STAT5B: variants seen among roughly 807,000 people sequenced by gnomAD.
STAT5B encodes the protein transcription factor STAT5B.
In STAT5B, 21 loss-of-function variants were observed where a neutral mutation model predicts 107.8. The ratio of observed to expected loss-of-function variants is 0.19; its 90% CI spans 0.14 to 0.28. The LOEUF (loss-of-function observed/expected upper bound fraction) is 0.28, where lower values mean the gene tolerates loss of function less well. Among genes scored for constraint, STAT5B ranks in the 10% least tolerant of loss-of-function variants. The pLI is 1.00. For missense variants in STAT5B, 565 were observed against 1,008.2 expected, an observed-to-expected ratio of 0.56 and a Z score of 5.95; for synonymous variants, 325 against 401.7, an observed-to-expected ratio of 0.81 and a Z score of 2.28.
intron 5 of STAT5B, among the ~76,000 whole-genome samples, chr17:42,220,453 G>A (rs1197093145): frequency 1.3e-5 from 2 of 152,174 alleles, no homozygotes; most frequent in African/African-American, 4.8e-5. Context: ...CATCCCTCCC[G>A]CAGCAAGGCC....
At chr17:42,262,966 GTGTGTATATATATATATATATA>G (rs1268140518) in intron 1 of STAT5B, among the ~76,000 whole-genome samples, 42 of 38,744 alleles carry the variant, frequency 1.1e-3, no homozygotes, top group South Asian at 2.3e-3. Context: ...GTGTGTGTGT[GTGTGTATATATATATATATATA>G]TATATATATA....
intron 1 of STAT5B, among the ~76,000 whole-genome samples, chr17:42,250,457 T>C (rs1238810139): frequency 6.6e-6 from 1 of 152,204 alleles, no homozygotes; most frequent in Non-Finnish European, 1.5e-5. Context: ...GCCCTTCCTA[T>C]ACTTCATCAC....
At chr17:42,234,705 C>CA (rs1204890672) in intron 1 of STAT5B, 1 of 152,160 alleles carries the variant, frequency 6.6e-6, no homozygotes, top group Non-Finnish European at 1.5e-5. Flanking sequence ...ACTAAAATTA[C>CA]AAAACAATTA....
At chr17:42,208,409 T>C (rs2144213215) in intron 15 of STAT5B, among the ~76,000 whole-genome samples, 1 of 151,920 alleles carries the variant, frequency 6.6e-6, no homozygotes, top group Middle Eastern at 3.4e-3. Flanking sequence ...GGTAGGAGAA[T>C]GGCTTGAAGC....
chr17:42,247,469 TCTC>T (rs2080461299), intron 1 of STAT5B, among the ~76,000 whole-genome samples: 4 of 152,148 alleles, frequency 2.6e-5, no homozygotes, highest in Non-Finnish European at 4.4e-5. Context: ...AAAACTGAAA[TCTC>T]CTCTTTTAAG....
chr17:42,274,960 G>A (rs1375041502), intron 1 of STAT5B: 2 of 152,232 alleles, frequency 1.3e-5, no homozygotes, highest in African/African-American at 4.8e-5. Flanking sequence ...GCCCAAGTAT[G>A]ATATTCAGTG....
At chr17:42,233,488 CTTT>C (rs1170989753) in intron 1 of STAT5B, among the ~76,000 whole-genome samples, 1 of 139,172 alleles carries the variant, frequency 7.2e-6, no homozygotes, top group Non-Finnish European at 1.6e-5. Context: ...CAGGTAGTTT[CTTT>C]TTTTTTTTTT....
chr17:42,258,223 T>C (rs1201238141), intron 1 of STAT5B, among the ~76,000 whole-genome samples: 1 of 152,186 alleles, frequency 6.6e-6, no homozygotes, highest in Non-Finnish European at 1.5e-5. Context: ...CATAGTAAAA[T>C]AAAGGGGTTC....
At chr17:42,245,772 C>A (rs1330622095) in intron 1 of STAT5B, among the ~76,000 whole-genome samples, 11 of 152,076 alleles carry the variant, frequency 7.2e-5, no homozygotes, top group Admixed American at 2.0e-4. Context: ...GATCTGCCCA[C>A]CTCGGCCTCC....
At chr17:42,265,120 A>T (rs1032277875) in intron 1 of STAT5B, among the ~76,000 whole-genome samples, 2 of 143,878 alleles carry the variant, frequency 1.4e-5, no homozygotes, top group African/African-American at 2.6e-5. Flanking sequence ...CCTTTGTCAG[A>T]TGAGTAGGTT....
At chr17:42,251,649 T>C (rs1357301597) in intron 1 of STAT5B, among the ~76,000 whole-genome samples, 2 of 151,816 alleles carry the variant, frequency 1.3e-5, no homozygotes, top group Admixed American at 6.6e-5. Context: ...GTGCATTGGG[T>C]TGGAGACAAG....
Position 42,201,678 on chromosome 17 carries a change from ATCCACAAGAGTGAT to A in STAT5B, c.*46_*59del. 1 of 1,086,724 alleles carries A rather than the reference ATCCACAAGAGTGAT, an allele frequency of 9.2e-7. No individual in the cohort carries two copies. Among genetic ancestry groups the A allele is most frequent in the Non-Finnish European group, 1.4e-6 (1 of 698,140 alleles). 67.3% of individuals were successfully genotyped at this position (1,086,724 alleles called of 1,614,324 possible). On this transcript the variant is annotated 3_prime_UTR_variant, in exon 19 of 19. Transcript: ENST00000293328. Reference sequence around the variant, plus strand: ...GAGAAGCGATTCATGGAATTAAAACATCCACAAGAGTGATTCCTCTGGTGAAGATGAAGAAGCTG... The same window carrying A: ...GAGAAGCGATTCATGGAATTAAAACATCCTCTGGTGAAGATGAAGAAGCTG...
At chr17:42,255,528 T>C (rs1247559233) in intron 1 of STAT5B, among the ~76,000 whole-genome samples, 1 of 152,124 alleles carries the variant, frequency 6.6e-6, no homozygotes, top group Non-Finnish European at 1.5e-5. Flanking sequence ...AAAAGAATTA[T>C]GTTGCAAAAA....
chr17:42,255,820 G>A (rs2080538792), intron 1 of STAT5B, among the ~76,000 whole-genome samples: 1 of 152,234 alleles, frequency 6.6e-6, no homozygotes, highest in South Asian at 2.1e-4. Context: ...GCCGGGCACA[G>A]CGGCTCGCGC....
At chr17:42,255,516 C>A (rs193278383) in intron 1 of STAT5B, among the ~76,000 whole-genome samples, 1 of 152,158 alleles carries the variant, frequency 6.6e-6, no homozygotes, top group African/African-American at 2.4e-5. Context: ...AAGTCTCCAA[C>A]CAAAAGAATT....
chr17:42,255,045 C>G (rs561536384), intron 1 of STAT5B, among the ~76,000 whole-genome samples: 6 of 151,988 alleles, frequency 3.9e-5, no homozygotes, highest in African/African-American at 7.3e-5. Context: ...GAGCCGAGAT[C>G]GTGCCACTGC....
the STAT5B span, among the ~76,000 whole-genome samples, chr17:42,286,233 C>CAAA: frequency 8.3e-4 from 43 of 51,920 alleles, 1 homozygote; most frequent in South Asian, 3.1e-3. Flanking sequence ...AACTCCATCT[C>CAAA]AAAAAAAAAA....
rs972192736 is a variant in STAT5B at position 42,201,565 on chromosome 17, C to T, written c.*173G>A. 8.8e-6 allele frequency: 6 copies of T among 684,982 alleles called. No homozygotes were observed. Among genetic ancestry groups the T allele is most frequent in the African/African-American group, 3.5e-5 (2 of 56,958 alleles). The allele number at this position is 684,982 out of a possible 1,614,324, so 42.4% of individuals were successfully genotyped here. On this transcript the variant is annotated 3_prime_UTR_variant, in exon 19 of 19. Transcript: ENST00000293328. ...ACACACACACACACAAACACATACT[C>T]GCACTCCCTTCGCTGGTGCCACCAT... is the stretch of plus-strand genomic sequence containing the variant.
intron 1 of STAT5B, among the ~76,000 whole-genome samples, chr17:42,246,494 T>C (rs181816328): frequency 6.6e-6 from 1 of 152,334 alleles, no homozygotes; most frequent in African/African-American, 2.4e-5. Flanking sequence ...AATAGCAGAT[T>C]AATTTGTAAT....
Sources: allele counts gnomAD v4.1 joint callset (sites outside exome capture counted in the v4.1 genomes callset), GRCh38; gene constraint gnomAD v4.1.1; transcripts MANE v1.5; gene names NCBI Gene and HGNC (gene_info 2026-07-23, HGNC 2026-07-21).